The following VPS13B variants were observed in gnomAD, a reference collection of about 807,000 sequenced individuals.
VPS13B encodes intermembrane lipid transfer protein VPS13B.
In VPS13B, 285 loss-of-function variants were observed where a neutral mutation model predicts 426.4. The ratio of observed to expected loss-of-function variants is 0.67; its 90% confidence interval spans 0.61 to 0.74. The LOEUF (loss-of-function observed/expected upper bound fraction) is 0.74, where lower values mean the gene tolerates loss of function less well. Ranked by LOEUF, VPS13B falls within the 30% of genes least tolerant of loss-of-function variation. The probability of loss-of-function intolerance (pLI) is 0.00; values close to 1 mark genes in which losing one functional copy is unlikely to be tolerated. For synonymous variants in VPS13B, 1,676 were observed against 1,676.4 expected, an observed-to-expected ratio of 1.00 and a Z score of 0.01; for missense variants, 4,537 against 4,782.6, an observed-to-expected ratio of 0.95 and a Z score of 1.51.
intron 19 of VPS13B, among the ~76,000 whole-genome samples, chr8:99,352,983 T>C (rs1035791782): frequency 3.9e-5 from 6 of 151,912 alleles, no homozygotes; most frequent in Admixed American, 2.6e-4. Flanking sequence ...AAAAACTTAT[T>C]ATTATTATTA....
At chr8:99,249,071 C>G (rs1297158266) in intron 17 of VPS13B, among the ~76,000 whole-genome samples, 2 of 152,144 alleles carry the variant, frequency 1.3e-5, no homozygotes, top group African/African-American at 4.8e-5. Context: ...CTGGTATCCT[C>G]TAATCTAATC....
chr8:99,346,368 T>A (rs529638975), intron 19 of VPS13B: 1 of 152,324 alleles, frequency 6.6e-6, no homozygotes, highest in South Asian at 2.1e-4. Context: ...GTGGCAGGGT[T>A]CTAGTGGTAT....
chr8:99,054,399 C>T (rs1309264041), intron 3 of VPS13B, among the ~76,000 whole-genome samples: 1 of 152,116 alleles, frequency 6.6e-6, no homozygotes, highest in Non-Finnish European at 1.5e-5. Flanking sequence ...TTTTAAAATT[C>T]AATTGTTTGT....
chr8:99,126,373 C>CCTA (rs1318263975), intron 8 of VPS13B, among the ~76,000 whole-genome samples: 4 of 152,036 alleles, frequency 2.6e-5, no homozygotes, highest in Admixed American at 2.0e-4. Context: ...ACACTAAGGA[C>CCTA]CTACTACACA....
intron 16 of VPS13B, among the ~76,000 whole-genome samples, chr8:99,191,999 A>C (rs1279620273): frequency 6.6e-6 from 1 of 152,136 alleles, no homozygotes; most frequent in African/African-American, 2.4e-5. Context: ...TTAAGGAAAG[A>C]GCAGGTTACA....
chr8:99,654,161 G>T (rs1829934141), intron 34 of VPS13B, among the ~76,000 whole-genome samples: 1 of 151,986 alleles, frequency 6.6e-6, no homozygotes, highest in African/African-American at 2.4e-5. Context: ...CCATTCTCCT[G>T]CCTCAGCCTC....
intron 33 of VPS13B, among the ~76,000 whole-genome samples, chr8:99,579,621 A>G (rs920365452): frequency 1.3e-5 from 2 of 151,694 alleles, no homozygotes; most frequent in East Asian, 3.9e-4. Flanking sequence ...GCTGGTCTCC[A>G]ACTCGTGACC....
intron 33 of VPS13B, among the ~76,000 whole-genome samples, chr8:99,631,843 A>C (rs780620908): frequency 1.4e-4 from 22 of 151,942 alleles, no homozygotes; most frequent in Non-Finnish European, 2.9e-4. Context: ...GTAGATGCTC[A>C]ATAGCAATTT....
At chr8:99,264,452 A>G (rs1818203355) in intron 17 of VPS13B, among the ~76,000 whole-genome samples, 1 of 152,146 alleles carries the variant, frequency 6.6e-6, no homozygotes, top group Admixed American at 6.6e-5. Flanking sequence ...ACATGTCTGA[A>G]TGAATCTTTA....
At chr8:99,270,129 A>ATTTTTTTTT (rs1370378172) in intron 17 of VPS13B, among the ~76,000 whole-genome samples, 8 of 16,820 alleles carry the variant, frequency 4.8e-4, no homozygotes, top group Admixed American at 9.7e-4. Flanking sequence ...AGATATAAGA[A>ATTTTTTTTT]TCTTTTTTTT....
chr8:99,661,354 A>G lies in VPS13B; in HGVS notation c.5909A>G (p.Asp1970Gly), dbSNP rs566231788. 6.2e-7 allele frequency: 1 copy of G among 1,613,574 alleles called. No individual in the cohort carries two copies. Among genetic ancestry groups the G allele is most frequent in the African/African-American group, 1.3e-5 (1 of 75,010 alleles). ...KGVASDYKCIDPGKTLPEALD... is the reference protein window; with the variant it reads ...KGVASDYKCIGPGKTLPEALD... ...TTTAATTTCAATTTTGTCACTTTAG[A>G]TCCTGGGAAGACTCTGCCTGAAGCC... Residue 1970 changes from aspartate (D) to glycine (G), a missense_variant and splice_region_variant, in exon 35 of 62, where the codon GAT becomes GGT. Physicochemically the swap from Asp to Gly is moderately conservative, Grantham distance 94. This residue lies in a region of VPS13B where 4,311 missense variants were observed against 4,474.3 expected (regional missense o/e 0.96). Transcript: ENST00000357162.
intron 39 of VPS13B, among the ~76,000 whole-genome samples, chr8:99,741,409 G>A (rs1277082012): frequency 1.3e-5 from 2 of 152,192 alleles, no homozygotes; most frequent in African/African-American, 2.4e-5. Context: ...ACATTAGACA[G>A]ATCAACCAGA....
At chr8:99,527,609 AT>A (rs1822715988) in intron 30 of VPS13B, among the ~76,000 whole-genome samples, 1 of 152,058 alleles carries the variant, frequency 6.6e-6, no homozygotes, top group Non-Finnish European at 1.5e-5. Flanking sequence ...TTGTTTCTTT[AT>A]CTTACACAAC....
At chr8:99,867,558 G>A (rs1233321941) in intron 58 of VPS13B, among the ~76,000 whole-genome samples, 1 of 152,194 alleles carries the variant, frequency 6.6e-6, no homozygotes, top group African/African-American at 2.4e-5. Flanking sequence ...GTATCTTGGT[G>A]GTTAAGAGCT....
chr8:99,038,443 T>C lies in VPS13B; in HGVS notation c.168T>C (p.Thr56=), dbSNP rs1363362730. ...TTAAGGAACTGAAATTACCATTCACTTTTTTAAGTGGACATATTCATGAAT... is the reference window on the plus strand; with the variant it reads ...TTAAGGAACTGAAATTACCATTCACCTTTTTAAGTGGACATATTCATGAAT... ...VLEQELKLPF[T]FLSGHIHELR... is the part of the protein sequence containing the mutation. The change falls in exon 3 of 62, where the codon ACT becomes ACC. Residue 56 remains threonine (T), a synonymous_variant. Coordinates refer to ENST00000357162, the MANE Select transcript of VPS13B (RefSeq NM_152564.5). 1 of 1,607,276 alleles carries C rather than the reference T, an allele frequency of 6.2e-7. No homozygotes were observed. The highest frequency in any genetic ancestry group is 8.5e-7 in the Non-Finnish European group (1 of 1,176,070).
chr8:99,182,179 A>T (rs934290142), intron 16 of VPS13B, among the ~76,000 whole-genome samples: 2 of 152,234 alleles, frequency 1.3e-5, no homozygotes, highest in African/African-American at 2.4e-5. Context: ...TCAATAAAAA[A>T]TAATGAACTA....
At chr8:99,067,238 C>G (rs1844575598) in intron 3 of VPS13B, among the ~76,000 whole-genome samples, 1 of 152,114 alleles carries the variant, frequency 6.6e-6, no homozygotes, top group Admixed American at 6.5e-5. Context: ...GACTTGGAGC[C>G]AACCCAAATG....
chr8:99,833,999 A>G (rs1171118711), intron 52 of VPS13B, among the ~76,000 whole-genome samples: 8 of 152,296 alleles, frequency 5.3e-5, no homozygotes, highest in South Asian at 2.1e-4. Context: ...CCTTCCCTCA[A>G]TCCAACCAAC....
At chr8:99,198,851 G>A (rs1194717462) in intron 17 of VPS13B, among the ~76,000 whole-genome samples, 1 of 151,402 alleles carries the variant, frequency 6.6e-6, no homozygotes, top group Non-Finnish European at 1.5e-5. Flanking sequence ...TTTTCCCCCC[G>A]AGAACAAAAC....
Sources: allele counts gnomAD v4.1 joint callset (sites outside exome capture counted in the v4.1 genomes callset), GRCh38; gene constraint gnomAD v4.1.1; regional missense constraint gnomAD v4.1.1; transcripts MANE v1.5; gene names NCBI Gene and HGNC (gene_info 2026-07-23, HGNC 2026-07-21).